Variants in C1QTNF3 observed in about 807,000 individuals in gnomAD.
C1QTNF3 encodes the protein complement C1q tumor necrosis factor-related protein 3.
In C1QTNF3, 26 loss-of-function variants were observed where a neutral mutation model predicts 32.6. That is an observed-to-expected ratio of 0.80 (90% CI 0.58 to 1.11). The LOEUF is 1.11. Among genes scored for constraint, C1QTNF3 ranks in the 50% least tolerant of loss-of-function variants. The probability of loss-of-function intolerance (pLI) is 0.00; values close to 1 mark genes in which losing one functional copy is unlikely to be tolerated. For synonymous variants in C1QTNF3, 155 were observed against 146.0 expected, an observed-to-expected ratio of 1.06 and a Z score of -0.44; for missense variants, 362 against 398.2, an observed-to-expected ratio of 0.91 and a Z score of 0.77.
chr5:34,042,879 C>T lies in C1QTNF3; in HGVS notation c.247G>A (p.Glu83Lys). ...STDLKSLRPD[E>K]LPHPEVDDLA... is the part of the protein sequence containing the mutation. ...TCATCTACCTCGGGGTGCGGTAGCTCATCTGGTCTCAGGGATTTTAGGTCT... is the reference window on the plus strand; with the variant it reads ...TCATCTACCTCGGGGTGCGGTAGCTTATCTGGTCTCAGGGATTTTAGGTCT... The change falls in exon 1 of 6, where the codon GAG becomes AAG. Residue 83 changes from glutamate (E) to lysine (K), a missense_variant. Physicochemically the swap from Glu to Lys is moderately conservative, Grantham distance 56 (BLOSUM62 1). Coordinates refer to ENST00000382065, the MANE Select transcript of C1QTNF3 (RefSeq NM_181435.6). The T allele has an allele frequency of 6.2e-7, 1 of 1,614,178 alleles. No individual in the cohort carries two copies. Among genetic ancestry groups the T allele is most frequent in the South Asian group, 1.1e-5 (1 of 91,078 alleles).
At chr5:34,227,843 C>T in the C1QTNF3 span, among the ~76,000 whole-genome samples, 1 of 151,926 alleles carries the variant, frequency 6.6e-6, no homozygotes, top group African/African-American at 2.4e-5. Flanking sequence ...TTGTCTCAAC[C>T]TTCGTCAGAT....
At chr5:34,125,207 G>A in the C1QTNF3 span, among the ~76,000 whole-genome samples, 10 of 152,232 alleles carry the variant, frequency 6.6e-5, no homozygotes, top group African/African-American at 2.2e-4. Flanking sequence ...TGTTGTATAC[G>A]TAACCTCCAC....
Position 34,043,199 on chromosome 5 carries a change from G to A in C1QTNF3, c.-74C>T, listed in dbSNP as rs1215875248. On this transcript the variant is annotated 5_prime_UTR_variant, in exon 1 of 6. Coordinates refer to ENST00000382065, the MANE Select transcript of C1QTNF3 (RefSeq NM_181435.6). ...AGGAGCGTGGTCTCCTCGGGCAGAT[G>A]CCAGGACTGGAGCTGAGAGCTGCAG... The A allele has an allele frequency of 1.4e-6, 2 of 1,473,810 alleles. No homozygotes were observed. Among genetic ancestry groups the A allele is most frequent in the Non-Finnish European group, 1.8e-6 (2 of 1,093,542 alleles). 91.3% of individuals were successfully genotyped at this position (1,473,810 alleles called of 1,614,324 possible). A position where few individuals can be genotyped will look rare whatever the true frequency, so the allele number is the denominator to read the frequency against.
chr5:34,099,619 G>C, the C1QTNF3 span, among the ~76,000 whole-genome samples: 2,966 of 145,732 alleles, frequency 0.02, 37 homozygotes, highest in African/African-American at 0.033. Flanking sequence ...GCTCAAGTTT[G>C]TAAAGAACAA....
the C1QTNF3 span, among the ~76,000 whole-genome samples, chr5:34,217,199 GAAT>G: frequency 6.6e-6 from 1 of 152,056 alleles, no homozygotes; most frequent in Non-Finnish European, 1.5e-5. Flanking sequence ...TTAACTTGAT[GAAT>G]ACAATTCTAA....
chr5:34,234,561 G>A, the C1QTNF3 span, among the ~76,000 whole-genome samples: 1 of 152,054 alleles, frequency 6.6e-6, no homozygotes, highest in Non-Finnish European at 1.5e-5. Context: ...ACTTAACGAG[G>A]ACTAGTGTCC....
chr5:34,167,895 AC>A, the C1QTNF3 span: 1 of 152,050 alleles, frequency 6.6e-6, no homozygotes, highest in Non-Finnish European at 1.5e-5. Flanking sequence ...ATGGACACAA[AC>A]CACATTCACT....
the C1QTNF3 span, among the ~76,000 whole-genome samples, chr5:34,226,815 G>A: frequency 2.7e-5 from 4 of 150,744 alleles, no homozygotes; most frequent in African/African-American, 9.7e-5. Flanking sequence ...AGAAAAGAAA[G>A]TGTTATTAAG....
chr5:34,118,564 A>AT, the C1QTNF3 span, among the ~76,000 whole-genome samples: 15 of 150,704 alleles, frequency 1.0e-4, no homozygotes, highest in East Asian at 1.9e-4. Context: ...TTGCTGACAG[A>AT]TTTTTTTTTG....
At chr5:34,241,971 A>AGGAAGGAAGGAC in the C1QTNF3 span, among the ~76,000 whole-genome samples, 1 of 147,702 alleles carries the variant, frequency 6.8e-6, no homozygotes, top group Admixed American at 6.7e-5. Flanking sequence ...GAAGGAAGGA[A>AGGAAGGAAGGAC]GGAAGGAAGG....
chr5:34,034,357 T>C (rs1009230895), intron 2 of C1QTNF3, among the ~76,000 whole-genome samples: 2 of 152,226 alleles, frequency 1.3e-5, no homozygotes, highest in Admixed American at 6.5e-5. Context: ...TTCTGTTTCT[T>C]TGAAGTTTTC....
At chr5:34,130,742 C>T in the C1QTNF3 span, among the ~76,000 whole-genome samples, 1 of 152,262 alleles carries the variant, frequency 6.6e-6, no homozygotes, top group Non-Finnish European at 1.5e-5. Flanking sequence ...GCTAGAGCTA[C>T]AGTGGTAGAC....
At chr5:34,197,245 C>G in the C1QTNF3 span, among the ~76,000 whole-genome samples, 1 of 152,428 alleles carries the variant, frequency 6.6e-6, no homozygotes, top group East Asian at 1.9e-4. Context: ...CTTGCAGTCA[C>G]AAATATAAAA....
chr5:34,127,928 T>G, the C1QTNF3 span, among the ~76,000 whole-genome samples: 1 of 152,006 alleles, frequency 6.6e-6, no homozygotes, highest in Admixed American at 6.6e-5. Flanking sequence ...GCTGCATAAA[T>G]TTGCATAAAT....
At chr5:34,221,372 T>C in the C1QTNF3 span, among the ~76,000 whole-genome samples, 1 of 152,098 alleles carries the variant, frequency 6.6e-6, no homozygotes, top group Non-Finnish European at 1.5e-5. Flanking sequence ...AATCATTTAA[T>C]TTTATTGTGT....
At chr5:34,159,031 C>T in the C1QTNF3 span, among the ~76,000 whole-genome samples, 1 of 151,934 alleles carries the variant, frequency 6.6e-6, no homozygotes, top group Non-Finnish European at 1.5e-5. Context: ...TTTTATCAGT[C>T]GCATTTTCAC....
chr5:34,223,783 G>T, the C1QTNF3 span, among the ~76,000 whole-genome samples: 10 of 152,118 alleles, frequency 6.6e-5, no homozygotes, highest in Non-Finnish European at 1.2e-4. Flanking sequence ...TCAACATAGT[G>T]TTGGAAGTTC....
the C1QTNF3 span, among the ~76,000 whole-genome samples, chr5:34,202,187 T>C: frequency 6.6e-6 from 1 of 151,988 alleles, no homozygotes; most frequent in Non-Finnish European, 1.5e-5. Context: ...TTTAATTTTC[T>C]AACCTCTTCA....
the C1QTNF3 span, among the ~76,000 whole-genome samples, chr5:34,061,981 C>T: frequency 3.3e-5 from 5 of 152,168 alleles, no homozygotes; most frequent in African/African-American, 1.2e-4. Context: ...AACTTTTATG[C>T]TCTGCTTCTC....
Sources: allele counts gnomAD v4.1 joint callset (sites outside exome capture counted in the v4.1 genomes callset), GRCh38; gene constraint gnomAD v4.1.1; transcripts MANE v1.5; gene names NCBI Gene and HGNC (gene_info 2026-07-23, HGNC 2026-07-21).